The following OLA1 variants were observed in gnomAD, a reference collection of about 807,000 sequenced individuals.
OLA1 encodes obg-like ATPase 1.
A neutral mutation model predicts 48.4 loss-of-function variants in OLA1; 14 were observed. That is an observed-to-expected ratio of 0.29 (90% CI 0.19 to 0.45). OLA1 has a LOEUF of 0.45. Ranked by LOEUF, OLA1 falls within the 20% of genes least tolerant of loss-of-function variation. The pLI, the probability that OLA1 is intolerant of heterozygous loss-of-function variation, is 1.00. For missense variants in OLA1, 325 were observed against 467.1 expected, an observed-to-expected ratio of 0.70 and a Z score of 2.80; for synonymous variants, 127 against 150.4, an observed-to-expected ratio of 0.84 and a Z score of 1.14.
chr2:174,087,140 C>T (rs1345398771), intron 7 of OLA1, among the ~76,000 whole-genome samples: 1 of 151,740 alleles, frequency 6.6e-6, no homozygotes, highest in Non-Finnish European at 1.5e-5. Context: ...GATTCTCCTA[C>T]CTCAGCCTCC....
At chr2:174,144,925 C>T (rs1369517117) in intron 4 of OLA1, among the ~76,000 whole-genome samples, 1 of 55,942 alleles carries the variant, frequency 1.8e-5, no homozygotes, top group African/African-American at 7.0e-5. Flanking sequence ...GAGTAAGACC[C>T]TGTTTAAAAA....
chr2:174,091,329 T>A (rs1685109095), intron 7 of OLA1, among the ~76,000 whole-genome samples: 1 of 152,242 alleles, frequency 6.6e-6, no homozygotes, highest in African/African-American at 2.4e-5. Flanking sequence ...AGGTTTTGGA[T>A]TTTCCACTCT....
intron 4 of OLA1, among the ~76,000 whole-genome samples, chr2:174,215,703 C>T (rs1574557054): frequency 6.6e-6 from 1 of 152,120 alleles, no homozygotes; most frequent in African/African-American, 2.4e-5. Context: ...ACAGACCATA[C>T]ATGGAACCAT....
intron 2 of OLA1, among the ~76,000 whole-genome samples, chr2:174,235,454 G>T (rs941908726): frequency 6.6e-6 from 1 of 152,140 alleles, no homozygotes; most frequent in Admixed American, 6.6e-5. Context: ...CTGCTACAAA[G>T]AGCTAGAAAA....
intron 7 of OLA1, among the ~76,000 whole-genome samples, chr2:174,110,341 G>A (rs1232295380): frequency 2.9e-5 from 4 of 138,998 alleles, no homozygotes; most frequent in South Asian, 2.3e-4. Context: ...TAGTAGAGAC[G>A]AGTTTTCAAC....
At chr2:174,227,524 T>C (rs994223090) in intron 3 of OLA1, among the ~76,000 whole-genome samples, 4 of 152,194 alleles carry the variant, frequency 2.6e-5, no homozygotes. Context: ...TCAAAAGTTC[T>C]AAGAATCTGG....
chr2:174,119,850 A>T (rs181121650), intron 7 of OLA1, among the ~76,000 whole-genome samples: 16 of 152,220 alleles, frequency 1.1e-4, no homozygotes, highest in Non-Finnish European at 2.2e-4. Context: ...AATCAATTTC[A>T]TCACTCAGAT....
chr2:174,248,184 C>T (rs1193034315), intron 1 of OLA1: 1 of 161,666 alleles, frequency 6.2e-6, no homozygotes, highest in Non-Finnish European at 1.4e-5. Flanking sequence ...GGGCCCCACC[C>T]CCCATCCTCC....
intron 5 of OLA1, among the ~76,000 whole-genome samples, chr2:174,129,457 C>CAATA (rs199979448): frequency 0.27 from 37,581 of 140,492 alleles, 5,186 homozygotes; most frequent in Non-Finnish European, 0.29. Flanking sequence ...GACTCCGTCT[C>CAATA]AATAAATAAA....
At chr2:174,106,309 T>C (rs1222652533) in intron 7 of OLA1, among the ~76,000 whole-genome samples, 2 of 152,140 alleles carry the variant, frequency 1.3e-5, no homozygotes, top group African/African-American at 4.8e-5. Context: ...ATATTTTGTA[T>C]TGTCGTTTTC....
intron 7 of OLA1, among the ~76,000 whole-genome samples, chr2:174,118,973 G>C (rs562285797): frequency 6.6e-6 from 1 of 151,252 alleles, no homozygotes; most frequent in Non-Finnish European, 1.5e-5. Flanking sequence ...GTTATCTCTC[G>C]ATAAGAATAT....
chr2:174,190,928 G>C (rs982402837), intron 4 of OLA1, among the ~76,000 whole-genome samples: 8 of 103,008 alleles, frequency 7.8e-5, no homozygotes, highest in Admixed American at 1.5e-4. Context: ...CTGGGCAACA[G>C]AGCAAGACTT....
intron 4 of OLA1, among the ~76,000 whole-genome samples, chr2:174,180,821 T>G (rs1464157678): frequency 6.6e-6 from 1 of 152,202 alleles, no homozygotes; most frequent in Non-Finnish European, 1.5e-5. Context: ...CCATGATAAA[T>G]GCCATAGTTT....
At chr2:174,189,164 G>A (rs1687721590) in intron 4 of OLA1, among the ~76,000 whole-genome samples, 1 of 152,020 alleles carries the variant, frequency 6.6e-6, no homozygotes, top group Non-Finnish European at 1.5e-5. Flanking sequence ...TAAAAAGGTA[G>A]GATCTAGGTC....
At chr2:174,099,813 T>C (rs1453617864) in intron 7 of OLA1, among the ~76,000 whole-genome samples, 2 of 152,226 alleles carry the variant, frequency 1.3e-5, no homozygotes, top group Non-Finnish European at 2.9e-5. Context: ...AGAAATCAAA[T>C]GCTATGTAAT....
At chr2:174,209,787 T>C (rs1478211465) in intron 4 of OLA1, among the ~76,000 whole-genome samples, 1 of 152,206 alleles carries the variant, frequency 6.6e-6, no homozygotes, top group Non-Finnish European at 1.5e-5. Flanking sequence ...ATTGATGTAA[T>C]TATAAAATGA....
intron 4 of OLA1, among the ~76,000 whole-genome samples, chr2:174,174,614 T>C (rs1381010193): frequency 6.6e-6 from 1 of 152,010 alleles, no homozygotes; most frequent in Non-Finnish European, 1.5e-5. Flanking sequence ...TAACAAAATA[T>C]GTGTAAGATT....
At chr2:174,196,728 C>T (rs1687885252) in intron 4 of OLA1, among the ~76,000 whole-genome samples, 1 of 152,146 alleles carries the variant, frequency 6.6e-6, no homozygotes, top group Non-Finnish European at 1.5e-5. Flanking sequence ...CATAAGACAA[C>T]AGGTGGTTTA....
chr2:174,121,218 G>A (rs1296338632), intron 7 of OLA1, among the ~76,000 whole-genome samples: 3 of 152,176 alleles, frequency 2.0e-5, no homozygotes, highest in Non-Finnish European at 4.4e-5. Flanking sequence ...AGCTGTAGCA[G>A]AGTGGCTGAA....
Sources: gnomAD v4.1 joint callset for allele counts (sites outside exome capture counted in the v4.1 genomes callset) on GRCh38, gnomAD v4.1.1 for gene constraint, MANE v1.5 for transcripts, NCBI Gene and HGNC (gene_info 2026-07-23, HGNC 2026-07-21) for gene names.